The following ANKDD1B variants were observed in gnomAD, a reference collection of about 807,000 sequenced individuals.
The protein encoded by ANKDD1B is ankyrin repeat and death domain-containing protein 1B.
ANKDD1B carries 57 observed loss-of-function variants against 59.7 expected under a neutral mutation model. The observed-to-expected ratio is 0.95, with a 90% CI of 0.77 to 1.19. ANKDD1B has a LOEUF of 1.19. Ranked by LOEUF, ANKDD1B falls within the 50% of genes most tolerant of loss-of-function variation. The pLI is 0.00. For missense variants in ANKDD1B, 602 were observed against 641.9 expected, an observed-to-expected ratio of 0.94 and a Z score of 0.67; for synonymous variants, 216 against 239.5, an observed-to-expected ratio of 0.90 and a Z score of 0.91.
Position 75,625,703 on chromosome 5 carries a change from C to T in ANKDD1B, c.453C>T (p.Leu151=), listed in dbSNP as rs1282068590. 3.3e-6 allele frequency: 5 copies of T among 1,536,428 alleles called. No homozygotes were observed. The highest frequency in any genetic ancestry group is 3.5e-6 in the Non-Finnish European group (4 of 1,146,972). Residue 151 remains leucine, a synonymous_variant, in exon 4 of 14, where the codon CTC becomes CTT. Coordinates refer to ENST00000601380, the MANE Select transcript of ANKDD1B (RefSeq NM_001276713.2). ...GGTCTGGGAGCCTTGAGGTCATGCT[C>T]ATGCTGGTTAAAGCTGGAGCAGACC... ...AAWSGSLEVM[L]MLVKAGADQR... is the part of the protein sequence containing the mutation.
At chr5:75,616,682 T>G in intron 1 of ANKDD1B, 122 bp from the exon 2 acceptor site, 1 of 506,604 alleles carries the variant, frequency 2.0e-6, no homozygotes, top group East Asian at 3.0e-5. Context: ...TTCCCATGTC[T>G]TAAATAAAAC....
chr5:75,648,253 TAA>T (rs1192638336), intron 7 of ANKDD1B, among the ~76,000 whole-genome samples: 2 of 37,312 alleles, frequency 5.4e-5, no homozygotes, highest in South Asian at 1.2e-3. Flanking sequence ...AAAGTATAAT[TAA>T]AAAAAAAAAA....
chr5:75,631,700 G>A (rs1774165146), intron 5 of ANKDD1B, among the ~76,000 whole-genome samples: 1 of 152,198 alleles, frequency 6.6e-6, no homozygotes. Flanking sequence ...AGAGAAAACA[G>A]CTGATAGATA....
Position 75,616,803 on chromosome 5 carries a change from G to A in ANKDD1B, c.194-1G>A. The A allele has an allele frequency of 6.8e-7, 1 of 1,475,712 alleles. No individual in the cohort carries two copies. Among genetic ancestry groups the A allele is most frequent in the South Asian group, 1.2e-5 (1 of 81,544 alleles). The allele number at this position is 1,475,712 out of a possible 1,614,324, so 91.4% of individuals were successfully genotyped here. ...GTCATGCTTGCTTTGCTTTCTTTCA[G>A]TACTCCCAAATGAGAGAAGCTTTCA... On this transcript the variant is annotated splice_acceptor_variant, in intron 1 of 13. Transcript: ENST00000601380. LOFTEE classifies it high-confidence loss of function.
At chr5:75,634,774 T>C (rs558157927) in intron 5 of ANKDD1B, 124 bp from the exon 6 acceptor site, 1 of 620,692 alleles carries the variant, frequency 1.6e-6, no homozygotes, top group South Asian at 1.9e-5. Context: ...TAGCATCATC[T>C]TCCTCCCTGA....
Position 75,634,862 on chromosome 5 carries a change from T to A in ANKDD1B, c.601-36T>A, listed in dbSNP as rs190209357. 16 of 1,319,778 alleles carry A rather than the reference T, an allele frequency of 1.2e-5. No homozygotes were observed. In the East Asian group the frequency reaches 3.8e-4, roughly 31 times the overall value. The allele number at this position is 1,319,778 out of a possible 1,614,324, so 81.8% of individuals were successfully genotyped here. A position where few individuals can be genotyped will look rare whatever the true frequency, so the allele number is the denominator to read the frequency against. Reference sequence around the variant, plus strand: ...CATTGTCTTGCTTGTTCACTAAGACTGTAATAAATGCTTGAGGTTTGTGAT... The same window carrying A: ...CATTGTCTTGCTTGTTCACTAAGACAGTAATAAATGCTTGAGGTTTGTGAT... On this transcript the variant is annotated intron_variant, in intron 5 of 13. Transcript: ENST00000601380.
At chr5:75,653,007 C>T in intron 7 of ANKDD1B, 135 bp from the exon 8 acceptor site, 2 of 672,640 alleles carry the variant, frequency 3.0e-6, no homozygotes, top group South Asian at 1.7e-5. Context: ...TGTCATTGAC[C>T]AAATCACTGT....
Position 75,658,415 on chromosome 5 carries a change from C to T in ANKDD1B, c.997-868C>T, listed in dbSNP as rs1475601215. ...TATTTTAGAAATCTCTTCACATCTG[C>T]ATTCCTTTTGGTGAGAGGTTAAGAC... is the stretch of plus-strand genomic sequence containing the variant. On this transcript the variant is annotated intron_variant, in intron 9 of 13. Coordinates refer to ENST00000601380, the MANE Select transcript of ANKDD1B (RefSeq NM_001276713.2). Among the ~76,000 whole-genome samples the T allele has an allele frequency of 2.0e-5, 3 of 152,242 alleles. No homozygotes were observed. The East Asian group carries it at 5.8e-4, about 29-fold the overall frequency.
chr5:75,656,606 G>A (rs910273522), intron 9 of ANKDD1B, among the ~76,000 whole-genome samples: 3 of 152,362 alleles, frequency 2.0e-5, no homozygotes, highest in Admixed American at 2.0e-4. Flanking sequence ...AACTGGAGCA[G>A]AATCAAATGA....
chr5:75,667,428 C>G (rs1775340741), intron 12 of ANKDD1B, among the ~76,000 whole-genome samples: 1 of 152,156 alleles, frequency 6.6e-6, no homozygotes, highest in South Asian at 2.1e-4. Flanking sequence ...TAAGTCTGCG[C>G]TCCAGAAAGA....
intron 12 of ANKDD1B, 55 bp from the exon 13 acceptor site, chr5:75,669,197 G>A: frequency 1.6e-6 from 2 of 1,230,390 alleles, no homozygotes; most frequent in Non-Finnish European, 2.0e-6. Context: ...AGATCACAAT[G>A]GAAAGAGATA....
chr5:75,648,993 A>C (rs1774741953), intron 7 of ANKDD1B, among the ~76,000 whole-genome samples: 1 of 152,228 alleles, frequency 6.6e-6, no homozygotes, highest in Non-Finnish European at 1.5e-5. Context: ...TTATGAATGT[A>C]GTTGACACCT....
chr5:75,611,841 C>T lies in ANKDD1B; in HGVS notation c.193+14C>T. 8.1e-7 allele frequency: 1 copy of T among 1,231,878 alleles called. No homozygotes were observed. The highest frequency in any genetic ancestry group is 4.1e-5 in the South Asian group (1 of 24,320). The allele number at this position is 1,231,878 out of a possible 1,614,324, so 76.3% of individuals were successfully genotyped here. The stretch of plus-strand genomic sequence containing the variant: ...GACACGAGCTCCGTGAGTCCCGGGA[C>T]GAGGTCTCAGAAAATCAGGCTGCGG... On this transcript the variant is annotated intron_variant, in intron 1 of 13. Coordinates refer to ENST00000601380, the MANE Select transcript of ANKDD1B (RefSeq NM_001276713.2).
chr5:75,663,417 G>T lies in ANKDD1B; in HGVS notation c.1119G>T (p.Val373=). The part of the protein sequence containing the change: ...VDKQGKTALA[V]ASRSNHSLVV... ...AGCAAGGAAAGACTGCCCTGGCTGT[G>T]GCCTCCAGGAGCAACCATAGCCTTG... The change falls in exon 11 of 14, where the codon GTG becomes GTT. Residue 373 remains valine (V), a synonymous_variant. Transcript: ENST00000601380. 1 of 1,536,220 alleles carries T rather than the reference G, an allele frequency of 6.5e-7. No homozygotes were observed. Among genetic ancestry groups the T allele is most frequent in the Non-Finnish European group, 8.7e-7 (1 of 1,146,878 alleles).
chr5:75,611,612 G>C lies in ANKDD1B; in HGVS notation c.-23G>C. The C allele has an allele frequency of 8.1e-7, 1 of 1,230,912 alleles. No homozygotes were observed. The highest frequency in any genetic ancestry group is 1.0e-6 in the Non-Finnish European group (1 of 987,546). 76.2% of individuals were successfully genotyped at this position (1,230,912 alleles called of 1,614,324 possible). On this transcript the variant is annotated 5_prime_UTR_variant, in exon 1 of 14. Transcript: ENST00000601380. ...GGTCCGAGTCTGGGTCTGGCCCTGC[G>C]CTCAGGGCCCGCGGAGGAGACTATG...
intron 5 of ANKDD1B, among the ~76,000 whole-genome samples, chr5:75,630,565 T>G (rs1774123890): frequency 6.6e-6 from 1 of 152,254 alleles, no homozygotes; most frequent in Non-Finnish European, 1.5e-5. Flanking sequence ...CTGTTATCTA[T>G]GCAGTAATGC....
chr5:75,624,959 G>C (rs1773951173), intron 3 of ANKDD1B, among the ~76,000 whole-genome samples: 1 of 152,096 alleles, frequency 6.6e-6, no homozygotes, highest in Non-Finnish European at 1.5e-5. Context: ...TTTAATGCTT[G>C]CATTATATAG....
intron 7 of ANKDD1B, among the ~76,000 whole-genome samples, chr5:75,649,418 TTAAA>T (rs1172435351): frequency 6.6e-6 from 1 of 152,162 alleles, no homozygotes; most frequent in Non-Finnish European, 1.5e-5. Context: ...TGAATGTCAA[TTAAA>T]TATTTATTCA....
intron 7 of ANKDD1B, 60 bp from the exon 8 acceptor site, chr5:75,653,082 C>A: frequency 8.6e-7 from 1 of 1,169,148 alleles, no homozygotes; most frequent in Non-Finnish European, 1.2e-6. Flanking sequence ...TCATAAACAC[C>A]AGAAAACATG....
Sources: allele counts gnomAD v4.1 joint callset (sites outside exome capture counted in the v4.1 genomes callset), GRCh38; gene constraint gnomAD v4.1.1; transcripts MANE v1.5; gene names NCBI Gene and HGNC (gene_info 2026-07-23, HGNC 2026-07-21).